NUB1: variants seen among roughly 807,000 people sequenced by gnomAD.
NUB1 encodes the protein negative regulator of ubiquitin like proteins 1.
NUB1 carries 41 observed loss-of-function variants against 77.1 expected under a neutral mutation model. The observed-to-expected ratio is 0.53, with a 90% CI of 0.41 to 0.69. The LOEUF is 0.69. Among genes scored for constraint, NUB1 ranks in the 30% least tolerant of loss-of-function variants. The pLI is 0.00. For missense variants in NUB1, 643 were observed against 743.8 expected (o/e 0.86, Z 1.58); for synonymous variants, 257 against 281.0 (o/e 0.91, Z 0.85).
At chr7:151,364,660 G>T (rs1169144762) in intron 8 of NUB1, among the ~76,000 whole-genome samples, 1 of 151,902 alleles carries the variant, frequency 6.6e-6, no homozygotes, top group Non-Finnish European at 1.5e-5. Flanking sequence ...GAGTAGCTGG[G>T]ATTACAGGCA....
At chr7:151,344,098 G>A (rs1251656881) in intron 1 of NUB1, among the ~76,000 whole-genome samples, 2 of 142,260 alleles carry the variant, frequency 1.4e-5, no homozygotes, top group South Asian at 2.3e-4. Flanking sequence ...GGAGAATGGC[G>A]TGAACCCGGG....
intron 4 of NUB1, chr7:151,351,976 G>A: frequency 2.5e-6 from 1 of 398,616 alleles, no homozygotes; most frequent in Non-Finnish European, 5.1e-6. Flanking sequence ...TTGAGATCTG[G>A]TGGGTTATTT....
In NUB1 at chr7:151,376,829, G is replaced by A. The variant is rs375215823; in HGVS notation, c.1669+18G>A. The A allele has an allele frequency of 2.4e-5, 37 of 1,563,468 alleles. No individual in the cohort carries two copies. In the African/African-American group the frequency reaches 5.0e-4, roughly 21 times the overall value. On this transcript the variant is annotated intron_variant, in intron 14 of 14. Transcript: ENST00000568733. ...CTCCGCAGGTAGGTCTGAGGTCTTT[G>A]AGGGCCGCATTGAGAGCAAAGTGTC... is the stretch of plus-strand genomic sequence containing the variant.
At position 151,368,854 on chromosome 7, in the gene NUB1, T is replaced by A. The variant is rs1457976409; in HGVS notation, c.1215T>A (p.Asp405Glu). The A allele has an allele frequency of 1.2e-6, 2 of 1,613,884 alleles. No individual in the cohort carries two copies. Among genetic ancestry groups the A allele is most frequent in the Non-Finnish European group, 8.5e-7 (1 of 1,179,832 alleles). ...TGAGGGCGTGTGATGGGAACGTGGA[T>A]CATGCGGCCACTCATATTACCAACC... ...LGLRACDGNV[D>E]HAATHITNRR... Residue 405 changes from aspartate to glutamate, a missense_variant, in exon 11 of 15, where the codon GAT (aspartate) becomes GAA (glutamate). Asp to Glu is a conservative substitution (Grantham distance 45). Coordinates refer to ENST00000568733, the MANE Select transcript of NUB1 (RefSeq NM_001243351.2).
intron 11 of NUB1, among the ~76,000 whole-genome samples, chr7:151,372,626 G>A (rs953106667): frequency 1.8e-4 from 27 of 152,350 alleles, no homozygotes; most frequent in Non-Finnish European, 5.9e-5. Context: ...TTGGGGTGGT[G>A]TGGCAGGATA....
chr7:151,346,710 C>A (rs181708834), intron 2 of NUB1, among the ~76,000 whole-genome samples: 30 of 152,308 alleles, frequency 2.0e-4, no homozygotes, highest in African/African-American at 7.2e-4. Context: ...ATGCTCAGGA[C>A]CCTTCCAGAC....
At chr7:151,374,298 G>T in intron 12 of NUB1, 55 bp downstream of exon 12, 1 of 1,539,076 alleles carries the variant, frequency 6.5e-7, no homozygotes, top group Non-Finnish European at 8.8e-7. Context: ...GTCCTGCCCA[G>T]AGCTCCCTCC....
intron 2 of NUB1, among the ~76,000 whole-genome samples, chr7:151,346,657 A>G (rs770296285): frequency 5.3e-5 from 8 of 152,240 alleles, no homozygotes; most frequent in Non-Finnish European, 1.2e-4. Context: ...ACACATCCAC[A>G]TGTCGGGATG....
At chr7:151,372,733 G>T (rs1370692454) in intron 11 of NUB1, among the ~76,000 whole-genome samples, 1 of 152,148 alleles carries the variant, frequency 6.6e-6, no homozygotes, top group Non-Finnish European at 1.5e-5. Context: ...GTCAGGAGCT[G>T]CTGCGGGCTT....
intron 11 of NUB1, among the ~76,000 whole-genome samples, chr7:151,371,188 GCAA>G (rs141724967): frequency 6.6e-5 from 10 of 152,164 alleles, no homozygotes; most frequent in South Asian, 2.1e-4. Context: ...TTGGCTGAAA[GCAA>G]CAACAACAAC....
In NUB1 at chr7:151,352,653, G is replaced by T. The variant is rs141818509; in HGVS notation, c.345-159G>T. On this transcript the variant is annotated intron_variant, in intron 4 of 14. Transcript: ENST00000568733. ...AGAGATAGGATCTCTCTGTTGCCCA[G>T]GCTGGTCTTGAATTCCTGGGCTCAA... 3.0e-3 allele frequency among the ~76,000 whole-genome samples: 455 copies of T among 152,246 alleles called. 5 individuals are homozygous for T. Among genetic ancestry groups the T allele is most frequent in the Non-Finnish European group, 4.0e-3 (271 of 68,022 alleles).
chr7:151,368,222 C>T (rs1262317893), intron 10 of NUB1, among the ~76,000 whole-genome samples: 10 of 152,186 alleles, frequency 6.6e-5, no homozygotes, highest in Non-Finnish European at 2.9e-5. Context: ...TAGAGGTGAG[C>T]CAGGCCGGAG....
At position 151,355,918 on chromosome 7, in the gene NUB1, C is replaced by T; in HGVS notation, c.566C>T (p.Thr189Ile). ...CTCAAAGAAAAACAAATTCAGAGGA[C>T]CAAGAGAGGACTAGAAATACTGGCA... ...AKLKEKQIQR[T>I]KRGLEILAKR... The change falls in exon 6 of 15, where the codon ACC (threonine) becomes ATC (isoleucine). Residue 189 changes from threonine (T) to isoleucine (I), a missense_variant. Coordinates refer to ENST00000568733, the MANE Select transcript of NUB1 (RefSeq NM_001243351.2). The T allele has an allele frequency of 6.2e-7, 1 of 1,613,860 alleles. No homozygotes were observed. The highest frequency in any genetic ancestry group is 8.5e-7 in the Non-Finnish European group (1 of 1,179,868).
At position 151,349,223 on chromosome 7, in the gene NUB1, C is replaced by T. The variant is rs1254619005; in HGVS notation, c.268C>T (p.Pro90Ser). 1 of 1,608,412 alleles carries T rather than the reference C, an allele frequency of 6.2e-7. No homozygotes were observed. Among genetic ancestry groups the T allele is most frequent in the Non-Finnish European group, 8.5e-7 (1 of 1,178,084 alleles). Residue 90 changes from proline (P) to serine (S), a missense_variant, in exon 3 of 15, where the codon CCA (proline) becomes TCA (serine). Pro to Ser is a moderately conservative substitution (Grantham distance 74). Transcript: ENST00000568733. ...AATTGCTACAATCGAGGTGTTTTTA[C>T]CACCAAGACTAAAAAAAGTGAGTAA... ...TGIATIEVFL[P>S]PRLKKDRKNL...
At chr7:151,367,769 C>T in intron 9 of NUB1, 92 bp from the exon 10 acceptor site, 2 of 804,666 alleles carry the variant, frequency 2.5e-6, no homozygotes, top group Non-Finnish European at 4.0e-6. Flanking sequence ...CATGTTGCCC[C>T]TCTGGAGACC....
intron 5 of NUB1, among the ~76,000 whole-genome samples, chr7:151,353,569 A>C (rs931014622): frequency 6.6e-6 from 1 of 152,206 alleles, no homozygotes; most frequent in Non-Finnish European, 1.5e-5. Context: ...GAAACGAGAA[A>C]CTAGATGACC....
rs958086692 is a variant in NUB1 at position 151,366,860 on chromosome 7, T to C, written c.801-79T>C. On this transcript the variant is annotated intron_variant, in intron 8 of 14. Coordinates refer to ENST00000568733, the MANE Select transcript of NUB1 (RefSeq NM_001243351.2). ...ACCAAGAACGGGGAAAGAATTCCAG[T>C]CATTCACAAAAAGGTTTCAAATGCT... is the stretch of plus-strand genomic sequence containing the variant. The C allele has an allele frequency of 9.9e-6, 11 of 1,109,554 alleles. No homozygotes were observed. The Admixed American group carries it at 1.5e-4, about 15-fold the overall frequency. 68.7% of individuals were successfully genotyped at this position (1,109,554 alleles called of 1,614,324 possible).
rs961588100 is a variant in NUB1, at chr7:151,367,135, T to C, written c.987+10T>C. ...ACTGGTCCACATAAAAGTATGTTCC[T>C]GGAATTCATCTTATGTCTCGTTGAG... On this transcript the variant is annotated intron_variant, in intron 9 of 14. Coordinates refer to ENST00000568733, the MANE Select transcript of NUB1 (RefSeq NM_001243351.2). The C allele has an allele frequency of 6.2e-7, 1 of 1,604,352 alleles. No homozygotes were observed. Among genetic ancestry groups the C allele is most frequent in the African/African-American group, 1.3e-5 (1 of 74,574 alleles).
chr7:151,366,240 T>G (rs1797674976), intron 8 of NUB1, among the ~76,000 whole-genome samples: 1 of 152,232 alleles, frequency 6.6e-6, no homozygotes, highest in Non-Finnish European at 1.5e-5. Flanking sequence ...AAATTTTGCC[T>G]GCACACAGGC....
Sources: gnomAD v4.1 joint callset for allele counts (sites outside exome capture counted in the v4.1 genomes callset) on GRCh38, gnomAD v4.1.1 for gene constraint, MANE v1.5 for transcripts, NCBI Gene and HGNC (gene_info 2026-07-23, HGNC 2026-07-21) for gene names.